The following KIAA0319 variants were observed in gnomAD, a reference collection of about 807,000 sequenced individuals.
The protein encoded by KIAA0319 is dyslexia-associated protein KIAA0319.
Under a neutral mutation model 108.4 loss-of-function variants are expected in KIAA0319, and 83 were observed. The observed-to-expected ratio is 0.77, with a 90% CI of 0.64 to 0.92. The LOEUF is 0.92. Ranked by LOEUF, KIAA0319 falls within the 40% of genes least tolerant of loss-of-function variation. KIAA0319 has a pLI of 0.00. For synonymous variants in KIAA0319, 484 were observed against 510.4 expected (o/e 0.95, Z 0.70); for missense variants, 1,195 against 1,322.4 (o/e 0.90, Z 1.49).
chr6:24,572,830 G>A, intron 10 of KIAA0319, 132 bp from the exon 11 acceptor site: 1 of 926,512 alleles, frequency 1.1e-6, no homozygotes, highest in Non-Finnish European at 1.5e-6. Context: ...AAAGAAATGT[G>A]TTTGGCCAGG....
chr6:24,584,118 A>C (rs1296041120), intron 4 of KIAA0319, among the ~76,000 whole-genome samples: 5 of 152,124 alleles, frequency 3.3e-5, no homozygotes, highest in Non-Finnish European at 7.4e-5. Flanking sequence ...CTCATTAGTC[A>C]CACTCCACTC....
intron 1 of KIAA0319, among the ~76,000 whole-genome samples, chr6:24,635,510 T>C (rs1031564776): frequency 3.3e-5 from 5 of 152,202 alleles, no homozygotes; most frequent in Admixed American, 2.6e-4. Flanking sequence ...GAGAATGCTT[T>C]AAAAGCAGAG....
chr6:24,615,657 T>C (rs1382635729), intron 1 of KIAA0319, among the ~76,000 whole-genome samples: 1 of 152,214 alleles, frequency 6.6e-6, no homozygotes, highest in African/African-American at 2.4e-5. Flanking sequence ...ATGCCTATTC[T>C]CTCCAGCCCC....
chr6:24,568,309 G>A (rs1281806331), intron 13 of KIAA0319, among the ~76,000 whole-genome samples: 1 of 152,198 alleles, frequency 6.6e-6, no homozygotes, highest in Non-Finnish European at 1.5e-5. Flanking sequence ...CTATACTGAG[G>A]ATACAGAGAT....
chr6:24,575,711 G>A (rs1765379880), intron 10 of KIAA0319, among the ~76,000 whole-genome samples: 1 of 151,604 alleles, frequency 6.6e-6, no homozygotes, highest in South Asian at 2.1e-4. Context: ...AAAATTTGAA[G>A]GAGAAAAGGA....
chr6:24,590,951 T>A lies in KIAA0319; in HGVS notation c.802-2166A>T, dbSNP rs184057515. 7.0e-3 allele frequency among the ~76,000 whole-genome samples: 1,060 copies of A among 152,282 alleles called. 8 individuals are homozygous for A. Among genetic ancestry groups the A allele is most frequent in the Non-Finnish European group, 0.012 (808 of 68,010 alleles). On this transcript the variant is annotated intron_variant, in intron 3 of 20. Transcript: ENST00000378214. ...GCCACTGAGCACCAGCATCACCCAT[T>A]TCAGCCTTCAAGTTAACCTGGGCCT...
At chr6:24,569,729 C>T (rs554037257) in intron 12 of KIAA0319, among the ~76,000 whole-genome samples, 174 bp downstream of exon 12, 2 of 152,306 alleles carry the variant, frequency 1.3e-5, no homozygotes, top group South Asian at 2.1e-4. Flanking sequence ...CAATGATGTC[C>T]ATCCACACTT....
At chr6:24,582,671 A>AC (rs1554159306) in intron 5 of KIAA0319, among the ~76,000 whole-genome samples, 1 of 151,160 alleles carries the variant, frequency 6.6e-6, no homozygotes, top group African/African-American at 2.4e-5. Context: ...AAAAAAAAAA[A>AC]ACCTCCCTAA....
chr6:24,601,302 G>T (rs762620638), intron 1 of KIAA0319, 94 bp from the exon 2 acceptor site: 5 of 1,394,716 alleles, frequency 3.6e-6, no homozygotes, highest in Non-Finnish European at 1.9e-6. Context: ...ATGTCAGTGG[G>T]AAGCCTGTCC....
Position 24,544,835 on chromosome 6 carries a change from G to A in KIAA0319, c.*2330C>T, listed in dbSNP as rs958795493. 6.6e-6 allele frequency: 1 copy of A among 152,158 alleles called. No homozygotes were observed. Among genetic ancestry groups the A allele is most frequent in the Non-Finnish European group, 1.5e-5 (1 of 68,038 alleles). 9.4% of individuals were successfully genotyped at this position (152,158 alleles called of 1,614,324 possible). ...TCGTGCTTTGTTCTGATGAGAAATG[G>A]GGTGACAAGACAGGACTCACTTTCT... On this transcript the variant is annotated 3_prime_UTR_variant, in exon 21 of 21. Transcript: ENST00000378214.
intron 1 of KIAA0319, among the ~76,000 whole-genome samples, chr6:24,613,691 AC>A (rs898496190): frequency 3.3e-5 from 5 of 151,878 alleles, no homozygotes; most frequent in Middle Eastern, 3.4e-3. Flanking sequence ...AAAAAAAAAA[AC>A]AAAATGAGGG....
chr6:24,581,589 T>TCC (rs1269696559), intron 6 of KIAA0319, among the ~76,000 whole-genome samples: 9 of 152,108 alleles, frequency 5.9e-5, no homozygotes, highest in African/African-American at 2.2e-4. Flanking sequence ...GGAATGGAAT[T>TCC]ATTGGCAACT....
intron 16 of KIAA0319, among the ~76,000 whole-genome samples, chr6:24,562,408 T>C (rs981446292): frequency 2.0e-5 from 3 of 152,212 alleles, no homozygotes; most frequent in African/African-American, 7.2e-5. Flanking sequence ...CTAAGTGAAC[T>C]TCAGTTCTCT....
At chr6:24,627,459 CT>C (rs1774872251) in intron 1 of KIAA0319, among the ~76,000 whole-genome samples, 1 of 73,346 alleles carries the variant, frequency 1.4e-5, no homozygotes, top group African/African-American at 7.2e-5. Flanking sequence ...CCCTCCCTTC[CT>C]TCTTTCCTTT....
At chr6:24,623,694 A>G (rs890398425) in intron 1 of KIAA0319, among the ~76,000 whole-genome samples, 1 of 152,234 alleles carries the variant, frequency 6.6e-6, no homozygotes, top group Non-Finnish European at 1.5e-5. Context: ...GTTAGAAGGA[A>G]TAAGTTCCAG....
At chr6:24,575,541 A>G (rs976531453) in intron 10 of KIAA0319, among the ~76,000 whole-genome samples, 3 of 152,150 alleles carry the variant, frequency 2.0e-5, no homozygotes, top group Non-Finnish European at 4.4e-5. Context: ...CAGACAACTC[A>G]TGGCTCTTTC....
chr6:24,638,983 C>A (rs1664539668), intron 1 of KIAA0319, among the ~76,000 whole-genome samples: 1 of 152,086 alleles, frequency 6.6e-6, no homozygotes, highest in Non-Finnish European at 1.5e-5. Context: ...AGGTTCATTA[C>A]CTGGTTTGTG....
At chr6:24,642,288 G>T (rs1777058498) in intron 1 of KIAA0319, among the ~76,000 whole-genome samples, 1 of 151,684 alleles carries the variant, frequency 6.6e-6, no homozygotes, top group Non-Finnish European at 1.5e-5. Flanking sequence ...GAGAAAGAAA[G>T]AAAGAAGAAA....
chr6:24,583,848 G>A (rs1348804083), intron 4 of KIAA0319, 146 bp from the exon 5 acceptor site: 2 of 610,936 alleles, frequency 3.3e-6, no homozygotes, highest in Non-Finnish European at 5.7e-6. Context: ...GCTAAGGCAC[G>A]TTTTTCCTCT....
Sources: gnomAD v4.1 joint callset for allele counts (sites outside exome capture counted in the v4.1 genomes callset) on GRCh38, gnomAD v4.1.1 for gene constraint, MANE v1.5 for transcripts, NCBI Gene and HGNC (gene_info 2026-07-23, HGNC 2026-07-21) for gene names.